The following TMTC2 variants were observed in gnomAD, a reference collection of about 807,000 sequenced individuals.
TMTC2 encodes protein O-mannosyl-transferase TMTC2.
In TMTC2, 43 loss-of-function variants were observed where a neutral mutation model predicts 82.4. That is an observed-to-expected ratio of 0.52 (90% CI 0.41 to 0.67). TMTC2 has a LOEUF of 0.67. TMTC2 is among the 30% of genes least tolerant of loss of function. The pLI is 0.00. For missense variants in TMTC2, 919 were observed against 1,012.4 expected (o/e 0.91, Z 1.25); for synonymous variants, 408 against 381.9 (o/e 1.07, Z -0.80).
chr12:83,095,345 A>G (rs1883991441), intron 11 of TMTC2, among the ~76,000 whole-genome samples: 2 of 150,564 alleles, frequency 1.3e-5, no homozygotes, highest in African/African-American at 2.4e-5. Context: ...GGTTCACGCC[A>G]TTCTCCTGCC....
At chr12:82,867,845 A>G (rs553980679) in intron 2 of TMTC2, among the ~76,000 whole-genome samples, 3 of 152,352 alleles carry the variant, frequency 2.0e-5, no homozygotes, top group African/African-American at 7.2e-5. Context: ...TAAAAGCTAA[A>G]TATATTTAAT....
At chr12:83,002,027 G>T (rs1796152) in intron 8 of TMTC2, among the ~76,000 whole-genome samples, 2 of 152,194 alleles carry the variant, frequency 1.3e-5, no homozygotes, top group Non-Finnish European at 2.9e-5. Context: ...TTTCTCCTCA[G>T]TTTTTTGGGA....
rs1393290374 is a variant in TMTC2, at chr12:83,133,247, A to G, written c.*858A>G. 6.6e-6 allele frequency: 1 copy of G among 152,230 alleles called. No individual in the cohort carries two copies. The highest frequency in any genetic ancestry group is 2.4e-5 in the African/African-American group (1 of 41,448). The allele number at this position is 152,230 out of a possible 1,614,324, so 9.4% of individuals were successfully genotyped here. A position where few individuals can be genotyped will look rare whatever the true frequency, so the allele number is the denominator to read the frequency against. The stretch of plus-strand genomic sequence containing the variant: ...TCCTGGAGAATGTGCAAGCTTACAT[A>G]AGGATAAAGGACAGGGGAGGAGTTT... On this transcript the variant is annotated 3_prime_UTR_variant, in exon 12 of 12. Coordinates refer to ENST00000321196, the MANE Select transcript of TMTC2 (RefSeq NM_152588.3).
chr12:82,732,426 T>C (rs2136942353), intron 1 of TMTC2, among the ~76,000 whole-genome samples: 1 of 152,242 alleles, frequency 6.6e-6, no homozygotes, highest in South Asian at 2.1e-4. Flanking sequence ...CACTGCAACC[T>C]CTGCCTCCCA....
In TMTC2 at chr12:83,132,556, A is replaced by G. The variant is rs1885295704; in HGVS notation, c.*167A>G. 1.4e-6 allele frequency: 1 copy of G among 707,780 alleles called. No individual in the cohort carries two copies. Among genetic ancestry groups the G allele is most frequent in the Non-Finnish European group, 2.2e-6 (1 of 451,694 alleles). The allele number at this position is 707,780 out of a possible 1,614,324, so 43.8% of individuals were successfully genotyped here. The stretch of plus-strand genomic sequence containing the variant: ...GAAGAATCCACTTTGCTGTAGGCAC[A>G]GCTGTTAACACCAAAAAGGGGAAAG... On this transcript the variant is annotated 3_prime_UTR_variant, in exon 12 of 12. Transcript: ENST00000321196.
chr12:83,000,268 G>A (rs1879858925), intron 8 of TMTC2, among the ~76,000 whole-genome samples: 1 of 152,094 alleles, frequency 6.6e-6, no homozygotes, highest in Admixed American at 6.6e-5. Context: ...CCAAGTAGCT[G>A]GGACTACAGG....
At chr12:82,715,262 G>A (rs536515612) in intron 1 of TMTC2, among the ~76,000 whole-genome samples, 80 of 148,274 alleles carry the variant, frequency 5.4e-4, no homozygotes, top group East Asian at 2.2e-3. Flanking sequence ...GCGACAGAAC[G>A]AGACTCCATT....
At chr12:82,954,151 C>T (rs947451750) in intron 4 of TMTC2, among the ~76,000 whole-genome samples, 1 of 152,192 alleles carries the variant, frequency 6.6e-6, no homozygotes, top group African/African-American at 2.4e-5. Context: ...ATTTTATTTT[C>T]ATGAAGCCTG....
intron 2 of TMTC2, among the ~76,000 whole-genome samples, chr12:82,857,955 G>C (rs1871343448): frequency 6.6e-6 from 1 of 152,194 alleles, no homozygotes; most frequent in Non-Finnish European, 1.5e-5. Context: ...AATAGAGCTA[G>C]ATGCTAGACT....
chr12:82,876,141 GGTGGTGGTGGTGGTA>G (rs1280805170), intron 2 of TMTC2, among the ~76,000 whole-genome samples: 5 of 146,094 alleles, frequency 3.4e-5, no homozygotes, highest in Non-Finnish European at 7.6e-5. Flanking sequence ...TGGTGGTGGT[GGTGGTGGTGGTGGTA>G]GTGGTGGTAG....
chr12:82,877,835 G>A (rs570426786), intron 2 of TMTC2, among the ~76,000 whole-genome samples: 63 of 152,182 alleles, frequency 4.1e-4, no homozygotes, highest in African/African-American at 1.3e-3. Context: ...GTACCCAGTA[G>A]AAGAAAAAAC....
intron 11 of TMTC2, 106 bp from the exon 12 acceptor site, chr12:83,132,104 C>G (rs902220429): frequency 4.5e-6 from 6 of 1,342,582 alleles, no homozygotes; most frequent in African/African-American, 4.4e-5. Flanking sequence ...CAAAATGCCT[C>G]TAGACATAAG....
At chr12:82,753,137 A>G (rs954776786) in intron 1 of TMTC2, among the ~76,000 whole-genome samples, 1 of 152,136 alleles carries the variant, frequency 6.6e-6, no homozygotes, top group Non-Finnish European at 1.5e-5. Context: ...GATACCAGAT[A>G]TATGAGGCGG....
At chr12:82,755,145 G>T (rs1876231233) in intron 1 of TMTC2, among the ~76,000 whole-genome samples, 1 of 152,190 alleles carries the variant, frequency 6.6e-6, no homozygotes, top group Non-Finnish European at 1.5e-5. Flanking sequence ...GGGGAAATGT[G>T]ATTTAAATTC....
At chr12:82,697,356 GA>G (rs1237151345) in intron 1 of TMTC2, among the ~76,000 whole-genome samples, 1 of 138,596 alleles carries the variant, frequency 7.2e-6, no homozygotes, top group East Asian at 2.2e-4. Context: ...AAAAAAAAAG[GA>G]AAAAAAAACA....
intron 1 of TMTC2, among the ~76,000 whole-genome samples, chr12:82,781,772 C>G (rs563945415): frequency 6.8e-6 from 1 of 147,304 alleles, no homozygotes; most frequent in South Asian, 2.2e-4. Flanking sequence ...CTCATCTCTA[C>G]ATGCCTAGGC....
At position 82,896,220 on chromosome 12, in the gene TMTC2, A is replaced by C. The variant is rs973846647; in HGVS notation, c.1057A>C (p.Ser353Arg). The C allele has an allele frequency of 3.1e-6, 5 of 1,614,018 alleles. No homozygotes were observed. The Admixed American group carries it at 5.0e-5, about 16-fold the overall frequency. The change falls in exon 3 of 12, where the codon AGC becomes CGC. Residue 353 changes from serine to arginine, a missense_variant. Ser to Arg is a moderately radical substitution (Grantham distance 110). Coordinates refer to ENST00000321196, the MANE Select transcript of TMTC2 (RefSeq NM_152588.3). The stretch of plus-strand genomic sequence containing the variant: ...TGGCAAGCAGAATGCAAATGGACAT[A>C]GCTGCCTTTCAGATGTGGAGTACCA... ...TNGKQNANGH[S>R]CLSDVEYQNS...
intron 1 of TMTC2, among the ~76,000 whole-genome samples, chr12:82,795,217 A>G (rs1878658434): frequency 6.7e-6 from 1 of 149,660 alleles, no homozygotes; most frequent in African/African-American, 2.4e-5. Context: ...AGGTGGGCGA[A>G]TTGCTTGAAC....
intron 10 of TMTC2, among the ~76,000 whole-genome samples, chr12:83,055,671 A>G (rs1303367611): frequency 6.6e-6 from 1 of 151,610 alleles, no homozygotes; most frequent in Non-Finnish European, 1.5e-5. Flanking sequence ...CAAACTTTAC[A>G]TGGTTTACAG....
Sources: allele counts gnomAD v4.1 joint callset (sites outside exome capture counted in the v4.1 genomes callset), GRCh38; gene constraint gnomAD v4.1.1; transcripts MANE v1.5; gene names NCBI Gene and HGNC (gene_info 2026-07-23, HGNC 2026-07-21).